The following GALNTL6 variants were observed in gnomAD, a reference collection of about 807,000 sequenced individuals.
GALNTL6 encodes the protein polypeptide N-acetylgalactosaminyltransferase-like 6.
A neutral mutation model predicts 73.7 loss-of-function variants in GALNTL6; 46 were observed. The ratio of observed to expected loss-of-function variants is 0.62; its 90% CI spans 0.49 to 0.80. The LOEUF (loss-of-function observed/expected upper bound fraction) is 0.80, where lower values mean the gene tolerates loss of function less well. Ranked by LOEUF, GALNTL6 falls within the 30% of genes least tolerant of loss-of-function variation. GALNTL6 has a pLI of 0.00. For missense variants in GALNTL6, 604 were observed against 755.0 expected, an observed-to-expected ratio of 0.80 and a Z score of 2.34; for synonymous variants, 259 against 263.7, an observed-to-expected ratio of 0.98 and a Z score of 0.17.
intron 5 of GALNTL6, among the ~76,000 whole-genome samples, chr4:172,386,485 G>T (rs971364335): frequency 6.6e-6 from 1 of 152,158 alleles, no homozygotes; most frequent in Admixed American, 6.6e-5. Flanking sequence ...ACTAATAAGA[G>T]AGGGAAAGTG....
At chr4:172,307,248 T>G (rs2626618) in intron 3 of GALNTL6, among the ~76,000 whole-genome samples, 150,975 of 152,268 alleles carry the variant, frequency 0.99, 74,861 homozygotes, top group Middle Eastern at 1. Context: ...TTTGATTCTG[T>G]ATGTTAGTCC....
chr4:172,994,202 T>C (rs1751672567), intron 10 of GALNTL6, among the ~76,000 whole-genome samples: 1 of 152,242 alleles, frequency 6.6e-6, no homozygotes, highest in Non-Finnish European at 1.5e-5. Flanking sequence ...ATTTCTGATG[T>C]CACTGGTTTG....
chr4:172,967,586 A>T (rs1239202727), intron 10 of GALNTL6, among the ~76,000 whole-genome samples: 1 of 152,124 alleles, frequency 6.6e-6, no homozygotes, highest in Non-Finnish European at 1.5e-5. Context: ...GCCCAACTAT[A>T]TTATGAAGTC....
chr4:173,025,631 A>G (rs1487977153), intron 12 of GALNTL6, among the ~76,000 whole-genome samples: 1 of 152,130 alleles, frequency 6.6e-6, no homozygotes, highest in Non-Finnish European at 1.5e-5. Context: ...AAACCTGGTC[A>G]TGGTATTCCT....
intron 5 of GALNTL6, among the ~76,000 whole-genome samples, chr4:172,432,012 G>A (rs1731475640): frequency 1.3e-5 from 2 of 151,978 alleles, no homozygotes; most frequent in East Asian, 3.9e-4. Flanking sequence ...CACATAAAAG[G>A]TAGGGCTGCC....
chr4:172,889,579 C>A (rs761077178), intron 8 of GALNTL6, among the ~76,000 whole-genome samples: 1 of 152,082 alleles, frequency 6.6e-6, no homozygotes, highest in South Asian at 2.1e-4. Flanking sequence ...ATATGTTGAA[C>A]CAGCCTTACA....
chr4:172,867,509 C>T lies in GALNTL6; in HGVS notation c.924-15281C>T, dbSNP rs184444720. 5.0e-3 allele frequency among the ~76,000 whole-genome samples: 758 copies of T among 152,256 alleles called. 4 individuals are homozygous for T. The highest frequency in any genetic ancestry group is 7.5e-3 in the Admixed American group (114 of 15,290). The stretch of plus-strand genomic sequence containing the variant: ...AAAAATGAGAGAGGAAAATAGGCTT[C>T]CTAAACAGCAGTAAAGTGAAATCTT... On this transcript the variant is annotated intron_variant, in intron 7 of 12. Coordinates refer to ENST00000506823, the MANE Select transcript of GALNTL6 (RefSeq NM_001034845.3).
chr4:172,431,099 G>A (rs554242949), intron 5 of GALNTL6, among the ~76,000 whole-genome samples: 19 of 151,876 alleles, frequency 1.3e-4, no homozygotes, highest in Admixed American at 1.1e-3. Context: ...TTTTGAAGTT[G>A]GCAAAATAAA....
chr4:172,058,591 C>G (rs1731102653), intron 2 of GALNTL6, among the ~76,000 whole-genome samples: 1 of 151,984 alleles, frequency 6.6e-6, no homozygotes, highest in Non-Finnish European at 1.5e-5. Context: ...TTGTTCTTAC[C>G]TTTTTTATTC....
intron 5 of GALNTL6, among the ~76,000 whole-genome samples, chr4:172,471,621 C>G (rs1455873091): frequency 6.6e-6 from 1 of 152,124 alleles, no homozygotes; most frequent in Non-Finnish European, 1.5e-5. Flanking sequence ...AATGATCTAG[C>G]TGAATGTCTT....
chr4:172,959,090 T>C (rs1749907783), intron 10 of GALNTL6, among the ~76,000 whole-genome samples: 1 of 152,140 alleles, frequency 6.6e-6, no homozygotes, highest in Non-Finnish European at 1.5e-5. Flanking sequence ...TTAATCCTTT[T>C]AAAGTGCGCT....
At chr4:172,397,164 T>C (rs1187166995) in intron 5 of GALNTL6, among the ~76,000 whole-genome samples, 1 of 152,220 alleles carries the variant, frequency 6.6e-6, no homozygotes, top group African/African-American at 2.4e-5. Context: ...TTATAGTATT[T>C]AATAGGTCTG....
intron 5 of GALNTL6, among the ~76,000 whole-genome samples, chr4:172,381,168 A>G (rs1743270149): frequency 6.6e-6 from 1 of 152,234 alleles, no homozygotes; most frequent in African/African-American, 2.4e-5. Context: ...TTCTGTCAGA[A>G]TTTTGGACAA....
intron 5 of GALNTL6, among the ~76,000 whole-genome samples, chr4:172,496,015 C>T (rs552013211): frequency 4.6e-5 from 7 of 152,190 alleles, no homozygotes; most frequent in African/African-American, 1.7e-4. Flanking sequence ...TAAACTATAC[C>T]GTTTGTGCGT....
At chr4:172,669,516 TTTG>T (rs1731855609) in intron 5 of GALNTL6, among the ~76,000 whole-genome samples, 1 of 152,130 alleles carries the variant, frequency 6.6e-6, no homozygotes, top group South Asian at 2.1e-4. Context: ...AGTTGAAACT[TTTG>T]TTTGATTTTG....
At chr4:172,250,913 G>T (rs941015308) in intron 3 of GALNTL6, among the ~76,000 whole-genome samples, 1 of 152,104 alleles carries the variant, frequency 6.6e-6, no homozygotes, top group Non-Finnish European at 1.5e-5. Context: ...GACACCTGGA[G>T]CACACTGCAC....
At chr4:172,978,835 G>A (rs1355976512) in intron 10 of GALNTL6, among the ~76,000 whole-genome samples, 1 of 152,140 alleles carries the variant, frequency 6.6e-6, no homozygotes, top group Non-Finnish European at 1.5e-5. Context: ...TCACAGATTA[G>A]CACACATCCT....
At chr4:171,878,748 T>C (rs1218178572) in intron 2 of GALNTL6, among the ~76,000 whole-genome samples, 1 of 152,184 alleles carries the variant, frequency 6.6e-6, no homozygotes, top group Non-Finnish European at 1.5e-5. Context: ...TGTCAAATTG[T>C]AATCCCTGGT....
chr4:172,959,075 A>C (rs1327897158), intron 10 of GALNTL6, among the ~76,000 whole-genome samples: 1 of 152,190 alleles, frequency 6.6e-6, no homozygotes, highest in Non-Finnish European at 1.5e-5. Context: ...GAGTGATAAC[A>C]GGCTTTAATC....
Sources: gnomAD v4.1 joint callset for allele counts (sites outside exome capture counted in the v4.1 genomes callset) on GRCh38, gnomAD v4.1.1 for gene constraint, MANE v1.5 for transcripts, NCBI Gene and HGNC (gene_info 2026-07-23, HGNC 2026-07-21) for gene names.